Variants in TAFA2 observed in about 807,000 individuals in gnomAD.
TAFA2 encodes chemokine-like protein TAFA-2.
Under a neutral mutation model 18.8 loss-of-function variants are expected in TAFA2, and 7 were observed. That is an observed-to-expected ratio of 0.37 (90% CI 0.21 to 0.70). TAFA2 has a LOEUF of 0.70. TAFA2 is among the 30% of genes least tolerant of loss of function. The probability of loss-of-function intolerance (pLI) is 0.53; values close to 1 mark genes in which losing one functional copy is unlikely to be tolerated. For missense variants in TAFA2, 122 were observed against 158.1 expected, an observed-to-expected ratio of 0.77 and a Z score of 1.23; for synonymous variants, 60 against 54.2, an observed-to-expected ratio of 1.11 and a Z score of -0.47.
intron 2 of TAFA2, among the ~76,000 whole-genome samples, chr12:61,854,426 A>G (rs1405762845): frequency 6.6e-6 from 1 of 152,132 alleles, no homozygotes; most frequent in South Asian, 2.1e-4. Flanking sequence ...AGAGGGGGGA[A>G]GATCCTCAAA....
At chr12:62,230,136 G>T (rs1592410884) in intron 1 of TAFA2, among the ~76,000 whole-genome samples, 1 of 150,948 alleles carries the variant, frequency 6.6e-6, no homozygotes, top group East Asian at 1.9e-4. Context: ...TCTAGCTAAG[G>T]TTATGTTGGT....
At chr12:61,852,564 T>C (rs2121167116) in intron 2 of TAFA2, among the ~76,000 whole-genome samples, 1 of 152,268 alleles carries the variant, frequency 6.6e-6, no homozygotes, top group Non-Finnish European at 1.5e-5. Context: ...GAAAGGAAGC[T>C]CTATCAAGTC....
At chr12:61,769,331 A>G (rs2120834819) in intron 2 of TAFA2, among the ~76,000 whole-genome samples, 1 of 152,008 alleles carries the variant, frequency 6.6e-6, no homozygotes, top group Admixed American at 6.6e-5. Flanking sequence ...GAGAAATCTG[A>G]ATACTTATCC....
intron 4 of TAFA2, among the ~76,000 whole-genome samples, chr12:61,749,619 G>A (rs1868910309): frequency 6.6e-6 from 1 of 151,984 alleles, no homozygotes; most frequent in African/African-American, 2.4e-5. Context: ...ACTTATATTT[G>A]AAGGAACATT....
chr12:62,216,228 G>A (rs555054062), intron 1 of TAFA2, among the ~76,000 whole-genome samples: 1 of 152,274 alleles, frequency 6.6e-6, no homozygotes, highest in East Asian at 1.9e-4. Flanking sequence ...TACTGCCATT[G>A]CTAATTGAAT....
At chr12:62,068,672 T>C (rs1377941920) in intron 1 of TAFA2, among the ~76,000 whole-genome samples, 3 of 152,102 alleles carry the variant, frequency 2.0e-5, no homozygotes, top group Admixed American at 6.6e-5. Flanking sequence ...TTTACAAATA[T>C]AATTCAAAAA....
chr12:62,156,993 C>T (rs1388156281), intron 1 of TAFA2, among the ~76,000 whole-genome samples: 2 of 152,026 alleles, frequency 1.3e-5, no homozygotes, highest in East Asian at 1.9e-4. Flanking sequence ...ACATTATTTG[C>T]CTTGGATGAC....
At chr12:61,900,212 G>A (rs1876037629) in intron 1 of TAFA2, among the ~76,000 whole-genome samples, 1 of 152,134 alleles carries the variant, frequency 6.6e-6, no homozygotes, top group South Asian at 2.1e-4. Flanking sequence ...GTTTTTCTAG[G>A]ACTTATGCAT....
intron 2 of TAFA2, among the ~76,000 whole-genome samples, chr12:61,795,529 A>G (rs1160726823): frequency 6.6e-6 from 1 of 152,018 alleles, no homozygotes; most frequent in Non-Finnish European, 1.5e-5. Flanking sequence ...GAACTGAACA[A>G]TGAGAACGCT....
chr12:61,815,909 T>A (rs1872064710), intron 2 of TAFA2, among the ~76,000 whole-genome samples: 2 of 151,254 alleles, frequency 1.3e-5, no homozygotes, highest in African/African-American at 4.9e-5. Flanking sequence ...GCTTCTATTC[T>A]AGTGGAAGGA....
At chr12:61,874,594 T>C (rs1291261073) in intron 1 of TAFA2, among the ~76,000 whole-genome samples, 1 of 152,188 alleles carries the variant, frequency 6.6e-6, no homozygotes. Flanking sequence ...CCTAGCCATG[T>C]ATAGTCAAAT....
chr12:61,758,705 A>G (rs1446228015), intron 2 of TAFA2, among the ~76,000 whole-genome samples: 2 of 152,020 alleles, frequency 1.3e-5, no homozygotes, highest in Non-Finnish European at 2.9e-5. Flanking sequence ...GCTGATGCAC[A>G]CTGTGAATTG....
intron 1 of TAFA2, among the ~76,000 whole-genome samples, chr12:62,102,823 C>T (rs1869269824): frequency 6.6e-6 from 1 of 152,146 alleles, no homozygotes; most frequent in African/African-American, 2.4e-5. Flanking sequence ...CATATATCTA[C>T]CATGTTTAAT....
chr12:61,886,031 C>T (rs1875361229), intron 1 of TAFA2, among the ~76,000 whole-genome samples: 1 of 152,162 alleles, frequency 6.6e-6, no homozygotes, highest in South Asian at 2.1e-4. Context: ...ACGCACTCAA[C>T]TCTGGAAATA....
intron 1 of TAFA2, among the ~76,000 whole-genome samples, chr12:62,002,437 T>C (rs1183366574): frequency 6.6e-6 from 1 of 152,194 alleles, no homozygotes; most frequent in African/African-American, 2.4e-5. Flanking sequence ...GTAATGGGCC[T>C]AGCTACAAGT....
At chr12:61,767,424 C>T (rs1451079514) in intron 2 of TAFA2, among the ~76,000 whole-genome samples, 1 of 152,082 alleles carries the variant, frequency 6.6e-6, no homozygotes, top group Non-Finnish European at 1.5e-5. Context: ...TGAACTTTTA[C>T]TGTTTCCTGT....
At chr12:62,085,276 A>G (rs757767926) in intron 1 of TAFA2, among the ~76,000 whole-genome samples, 4 of 152,122 alleles carry the variant, frequency 2.6e-5, no homozygotes, top group Non-Finnish European at 4.4e-5. Flanking sequence ...CATTGTCCTT[A>G]TTTCTTCTTC....
intron 1 of TAFA2, among the ~76,000 whole-genome samples, chr12:61,912,213 T>C (rs781711181): frequency 3.3e-5 from 5 of 152,218 alleles, no homozygotes; most frequent in African/African-American, 4.8e-5. Flanking sequence ...GGATTCAAAG[T>C]GCTCATTTAT....
intron 1 of TAFA2, among the ~76,000 whole-genome samples, chr12:61,997,927 A>AT (rs758562446): frequency 2.1e-4 from 32 of 152,170 alleles, no homozygotes; most frequent in Non-Finnish European, 4.6e-4. Flanking sequence ...TATTCCTACA[A>AT]TTTACAAAGA....
Sources: allele counts gnomAD v4.1 joint callset (sites outside exome capture counted in the v4.1 genomes callset), GRCh38; gene constraint gnomAD v4.1.1; transcripts MANE v1.5; gene names NCBI Gene and HGNC (gene_info 2026-07-23, HGNC 2026-07-21).